The following RALYL variants were observed in gnomAD, a reference collection of about 807,000 sequenced individuals.
The protein encoded by RALYL is RNA-binding Raly-like protein.
A neutral mutation model predicts 35.1 loss-of-function variants in RALYL; 29 were observed. The observed-to-expected ratio is 0.83, with a 90% CI of 0.61 to 1.13. The LOEUF is 1.13. RALYL is among the 50% of genes most tolerant of loss of function. The pLI is 0.00. For synonymous variants in RALYL, 120 were observed against 127.6 expected (o/e 0.94, Z 0.40); for missense variants, 359 against 360.4 (o/e 1.00, Z 0.03).
intron 1 of RALYL, among the ~76,000 whole-genome samples, chr8:84,374,470 C>A (rs549927506): frequency 6.6e-6 from 1 of 152,032 alleles, no homozygotes; most frequent in Admixed American, 6.6e-5. Flanking sequence ...ATGGAATCAG[C>A]CTAATTCTCA....
intron 1 of RALYL, among the ~76,000 whole-genome samples, chr8:84,475,538 C>T (rs2053295176): frequency 1.3e-5 from 2 of 152,116 alleles, no homozygotes; most frequent in African/African-American, 4.8e-5. Flanking sequence ...ATACCTTTAG[C>T]TTAATCAAGG....
chr8:84,436,463 T>C (rs1408863763), intron 1 of RALYL, among the ~76,000 whole-genome samples: 2 of 151,310 alleles, frequency 1.3e-5, no homozygotes, highest in Admixed American at 6.6e-5. Context: ...TCTCACATTA[T>C]CATGTCTTTA....
chr8:84,466,249 T>A (rs1443873098), intron 1 of RALYL, among the ~76,000 whole-genome samples: 7 of 142,452 alleles, frequency 4.9e-5, no homozygotes, highest in Non-Finnish European at 9.2e-5. Flanking sequence ...TTCCAGGTTT[T>A]GCCCATTCAG....
intron 4 of RALYL, among the ~76,000 whole-genome samples, chr8:84,842,314 C>T (rs1833594193): frequency 6.6e-6 from 1 of 152,182 alleles, no homozygotes; most frequent in South Asian, 2.1e-4. Flanking sequence ...GAAATACAAA[C>T]TACCATCAGG....
At position 84,787,551 on chromosome 8, in the gene RALYL, T is replaced by G. The variant is rs1033629286; in HGVS notation, c.332+12897T>G. Among the ~76,000 whole-genome samples the G allele has an allele frequency of 7.9e-5, 12 of 152,230 alleles. No individual in the cohort carries two copies. In the South Asian group the frequency reaches 2.1e-3, roughly 26 times the overall value. Reference sequence around the variant, plus strand: ...GGTATATCCCCAGTAATGGGATTGCTGAGTCAAATGATATTTCTGGTTCTA... The same window carrying G: ...GGTATATCCCCAGTAATGGGATTGCGGAGTCAAATGATATTTCTGGTTCTA... On this transcript the variant is annotated intron_variant, in intron 3 of 8. Transcript: ENST00000521268.
chr8:84,263,031 A>G (rs1322823713), intron 1 of RALYL, among the ~76,000 whole-genome samples: 1 of 152,192 alleles, frequency 6.6e-6, no homozygotes, highest in Non-Finnish European at 1.5e-5. Context: ...GATCAGCCAC[A>G]GACTGTTTTA....
chr8:84,913,040 G>GTAGATAGATAGATAGATAGATAGATAGA (rs1554650721), intron 8 of RALYL, among the ~76,000 whole-genome samples: 1 of 130,060 alleles, frequency 7.7e-6, no homozygotes, highest in African/African-American at 3.2e-5. Context: ...GGATAGGTAG[G>GTAGATAGATAGATAGATAGATAGATAGA]TAGATAGATA....
rs145823212 is a variant in RALYL, at chr8:84,338,621, G to A, written c.-24+154197G>A. Among the ~76,000 whole-genome samples the A allele has an allele frequency of 1.0e-3, 156 of 152,124 alleles. 1 individual carries two copies. The highest frequency in any genetic ancestry group is 3.0e-3 in the Admixed American group (46 of 15,252). On this transcript the variant is annotated intron_variant, in intron 1 of 8. Coordinates refer to ENST00000521268, the MANE Select transcript of RALYL (RefSeq NM_173848.7). ...GGAAGTGTAACTTAGTGCTCAACTAGCACAGCTGAATTAGTACAGCTGCTG... is the reference window on the plus strand; with the variant it reads ...GGAAGTGTAACTTAGTGCTCAACTAACACAGCTGAATTAGTACAGCTGCTG...
At chr8:84,670,108 C>T (rs1055388707) in intron 2 of RALYL, among the ~76,000 whole-genome samples, 31 of 151,658 alleles carry the variant, frequency 2.0e-4, no homozygotes, top group African/African-American at 7.0e-4. Context: ...TCTTCTCTGA[C>T]TATTTCCTGC....
intron 1 of RALYL, among the ~76,000 whole-genome samples, chr8:84,252,822 A>C (rs1390488928): frequency 6.6e-6 from 1 of 152,098 alleles, no homozygotes; most frequent in Admixed American, 6.6e-5. Context: ...TCAGTTTTGA[A>C]GGTTAGCATT....
rs202035429 is a variant in RALYL, at chr8:84,833,799, G to A, written c.366-16181G>A. On this transcript the variant is annotated intron_variant, in intron 4 of 8. Transcript: ENST00000521268. ...GAACTTTGATTATATTGATGCCTTG[G>A]TTCTCTCATATATAAAGTCAAGATA... Among the ~76,000 whole-genome samples the A allele has an allele frequency of 3.3e-5, 5 of 151,820 alleles. No individual in the cohort carries two copies. In the East Asian group the frequency reaches 7.7e-4, roughly 23 times the overall value.
chr8:84,405,375 G>A (rs1447051690), intron 1 of RALYL, among the ~76,000 whole-genome samples: 2 of 152,106 alleles, frequency 1.3e-5, no homozygotes, highest in East Asian at 3.9e-4. Flanking sequence ...ATTACTGAAA[G>A]ATCCAGAGAC....
At chr8:84,240,033 C>T (rs1364753316) in intron 1 of RALYL, among the ~76,000 whole-genome samples, 3 of 151,796 alleles carry the variant, frequency 2.0e-5, no homozygotes, top group African/African-American at 4.8e-5. Flanking sequence ...AATAGAAAGC[C>T]AATGTTTTAA....
Position 84,234,954 on chromosome 8 carries a change from G to A in RALYL, c.-24+50530G>A, listed in dbSNP as rs996234738. 3.3e-5 allele frequency among the ~76,000 whole-genome samples: 5 copies of A among 151,742 alleles called. No individual in the cohort carries two copies. The East Asian group carries it at 7.8e-4, about 24-fold the overall frequency. On this transcript the variant is annotated intron_variant, in intron 1 of 8. Transcript: ENST00000521268. ...TAATTTTTGTATTTTTAGTAGAGAC[G>A]GAGTTTCACTAAATTGGCCAGGCTG...
At chr8:84,479,876 C>T (rs924144377) in intron 1 of RALYL, among the ~76,000 whole-genome samples, 1 of 152,104 alleles carries the variant, frequency 6.6e-6, no homozygotes, top group African/African-American at 2.4e-5. Context: ...TTAATGACTT[C>T]AGATCACCAG....
At chr8:84,417,932 C>G (rs1199243049) in intron 1 of RALYL, among the ~76,000 whole-genome samples, 1 of 152,110 alleles carries the variant, frequency 6.6e-6, no homozygotes, top group Non-Finnish European at 1.5e-5. Context: ...TTTGGTTCTT[C>G]TTTCTTTTTC....
chr8:84,401,377 C>T lies in RALYL; in HGVS notation c.-23-127922C>T, dbSNP rs536279812. The stretch of plus-strand genomic sequence containing the variant: ...AAGAGGCCAGGCGCGATGGCTCACA[C>T]CTGTAATCCCAGCACTTTGGGAGGC... On this transcript the variant is annotated intron_variant, in intron 1 of 8. Transcript: ENST00000521268. Among the ~76,000 whole-genome samples, 8 of 152,114 alleles carry T rather than the reference C, an allele frequency of 5.3e-5. No individual in the cohort carries two copies. In the South Asian group the frequency reaches 1.0e-3, roughly 20 times the overall value.
At chr8:84,685,589 T>A (rs956536926) in intron 2 of RALYL, among the ~76,000 whole-genome samples, 1 of 152,210 alleles carries the variant, frequency 6.6e-6, no homozygotes, top group Non-Finnish European at 1.5e-5. Flanking sequence ...AAGTTACTAA[T>A]GGTAGTATAG....
At chr8:84,447,917 A>AT (rs2049024754) in intron 1 of RALYL, among the ~76,000 whole-genome samples, 1 of 152,076 alleles carries the variant, frequency 6.6e-6, no homozygotes, top group South Asian at 2.1e-4. Context: ...TGAACGCATT[A>AT]TAATGTATAA....
Sources: gnomAD v4.1 joint callset for allele counts (sites outside exome capture counted in the v4.1 genomes callset) on GRCh38, gnomAD v4.1.1 for gene constraint, MANE v1.5 for transcripts, NCBI Gene and HGNC (gene_info 2026-07-23, HGNC 2026-07-21) for gene names.